ZNF385D: variants seen among roughly 807,000 people sequenced by gnomAD.
The protein encoded by ZNF385D is zinc finger protein 659.
A neutral mutation model predicts 35.8 loss-of-function variants in ZNF385D; 15 were observed. The observed-to-expected ratio is 0.42, with a 90% CI of 0.28 to 0.64. The LOEUF (loss-of-function observed/expected upper bound fraction) is 0.64, where lower values mean the gene tolerates loss of function less well. Ranked by LOEUF, ZNF385D falls within the 30% of genes least tolerant of loss-of-function variation. The pLI is 0.23. For synonymous variants in ZNF385D, 212 were observed against 186.8 expected (o/e 1.13, Z -1.10); for missense variants, 474 against 494.6 (o/e 0.96, Z 0.39).
chr3:22,202,809 G>C (rs1019309677), intron 2 of ZNF385D, among the ~76,000 whole-genome samples: 1 of 152,122 alleles, frequency 6.6e-6, no homozygotes, highest in South Asian at 2.1e-4. Flanking sequence ...GCACTGAGCA[G>C]AGCTCATCTG....
At chr3:21,987,681 T>C (rs377436462) in intron 3 of ZNF385D, among the ~76,000 whole-genome samples, 58 of 143,708 alleles carry the variant, frequency 4.0e-4, no homozygotes, top group Non-Finnish European at 7.1e-4. Flanking sequence ...ATCTTTGTGG[T>C]GTTCTCTGTA....
intron 3 of ZNF385D, among the ~76,000 whole-genome samples, chr3:21,956,625 G>GGTTA (rs1321201304): frequency 3.3e-5 from 5 of 152,030 alleles, no homozygotes; most frequent in African/African-American, 1.2e-4. Flanking sequence ...TGTTCACAGT[G>GGTTA]GTTAATGCAT....
chr3:21,699,636 A>G (rs2067599695), intron 1 of ZNF385D, among the ~76,000 whole-genome samples: 1 of 152,124 alleles, frequency 6.6e-6, no homozygotes, highest in South Asian at 2.1e-4. Flanking sequence ...AGTATGAAAA[A>G]GGGAATATAA....
rs1192752383 is a variant in ZNF385D, at chr3:21,565,166, C to CAA, written c.166-484_166-483dup. Among the ~76,000 whole-genome samples the CAA allele has an allele frequency of 2.0e-5, 3 of 152,146 alleles. No homozygotes were observed. In the East Asian group the frequency reaches 5.8e-4, roughly 29 times the overall value. On this transcript the variant is annotated intron_variant, in intron 2 of 7. Coordinates refer to ENST00000281523, the MANE Select transcript of ZNF385D (RefSeq NM_024697.3). ...GGTATCTTTTAGACTCTATAATATA[C>CAA]AAGTCCTGCTTTCCAATAATTGAAA...
At chr3:22,342,400 A>C (rs1208067979) in intron 2 of ZNF385D, among the ~76,000 whole-genome samples, 1 of 152,130 alleles carries the variant, frequency 6.6e-6, no homozygotes, top group African/African-American at 2.4e-5. Flanking sequence ...GTAGACTTAC[A>C]ATCAAGTTCT....
rs150625722 is a variant in ZNF385D at position 22,129,540 on chromosome 3, C to T, written c.325+39277G>A. Among the ~76,000 whole-genome samples, 350 of 152,082 alleles carry T rather than the reference C, an allele frequency of 2.3e-3. 1 individual carries two copies. Among genetic ancestry groups the T allele is most frequent in the African/African-American group, 8.1e-3 (338 of 41,488 alleles). ...TGGGGTTGAGCTAATACTCAGGTTG[C>T]AAGACAGAATCCTCTTTACTTATCC... On this transcript the variant is annotated intron_variant, in intron 3 of 5. Transcript: ENST00000494108.
intron 2 of ZNF385D, among the ~76,000 whole-genome samples, chr3:22,233,725 T>C (rs1429338802): frequency 6.6e-6 from 1 of 152,108 alleles, no homozygotes; most frequent in Non-Finnish European, 1.5e-5. Context: ...CTCTACTTTC[T>C]TGACATTCTC....
intron 2 of ZNF385D, among the ~76,000 whole-genome samples, chr3:22,273,472 G>C (rs898317652): frequency 6.6e-6 from 1 of 151,804 alleles, no homozygotes; most frequent in Non-Finnish European, 1.5e-5. Flanking sequence ...GTATCGAATG[G>C]GTAGAGGCCA....
In ZNF385D at chr3:22,240,676, C is replaced by T. The variant is rs892573214; in HGVS notation, c.107-71641G>A. ...CCACAATTGCTGCCCTCTTGATCCT[C>T]TTGCTTCCTCACATCCTTGTCAGGC... On this transcript the variant is annotated intron_variant, in intron 2 of 5. Transcript: ENST00000494108. 3.3e-4 allele frequency among the ~76,000 whole-genome samples: 50 copies of T among 151,160 alleles called. 3 individuals carry two copies. Among genetic ancestry groups the T allele is most frequent in the African/African-American group, 1.2e-3 (49 of 40,940 alleles).
At chr3:22,094,742 G>A (rs931749693) in intron 3 of ZNF385D, among the ~76,000 whole-genome samples, 13 of 152,010 alleles carry the variant, frequency 8.6e-5, no homozygotes, top group Admixed American at 3.3e-4. Context: ...GCCACACTGG[G>A]AAATGTGTGA....
At chr3:22,341,251 G>A (rs543641369) in intron 2 of ZNF385D, among the ~76,000 whole-genome samples, 7 of 152,244 alleles carry the variant, frequency 4.6e-5, no homozygotes, top group African/African-American at 9.6e-5. Context: ...TGCATCAGAA[G>A]GACACAAATT....
chr3:21,973,107 C>A (rs888052368), intron 3 of ZNF385D, among the ~76,000 whole-genome samples: 5 of 151,720 alleles, frequency 3.3e-5, no homozygotes, highest in African/African-American at 1.2e-4. Context: ...GAAAACACCT[C>A]AAAGAAAAAA....
At chr3:22,213,168 TATAATA>T (rs1243860941) in intron 2 of ZNF385D, among the ~76,000 whole-genome samples, 1 of 152,088 alleles carries the variant, frequency 6.6e-6, no homozygotes, top group East Asian at 1.9e-4. Context: ...ATTGGAAAAT[TATAATA>T]ATGTCATAGT....
At chr3:22,083,558 G>A (rs1332631321) in intron 3 of ZNF385D, among the ~76,000 whole-genome samples, 1 of 152,136 alleles carries the variant, frequency 6.6e-6, no homozygotes, top group African/African-American at 2.4e-5. Flanking sequence ...AATGAACAAA[G>A]CCTCCAAGAA....
At chr3:22,095,127 A>G (rs1701546467) in intron 3 of ZNF385D, among the ~76,000 whole-genome samples, 1 of 115,884 alleles carries the variant, frequency 8.6e-6, no homozygotes, top group African/African-American at 3.4e-5. Flanking sequence ...GGGTCTCAGT[A>G]TGTTGTCCAT....
chr3:21,583,359 T>C (rs2063720459), intron 2 of ZNF385D, among the ~76,000 whole-genome samples: 1 of 152,168 alleles, frequency 6.6e-6, no homozygotes, highest in Admixed American at 6.5e-5. Flanking sequence ...AAGACTTCCA[T>C]AGGGGCTCTT....
At chr3:22,034,450 A>C (rs1698192526) in intron 3 of ZNF385D, among the ~76,000 whole-genome samples, 1 of 152,164 alleles carries the variant, frequency 6.6e-6, no homozygotes, top group Non-Finnish European at 1.5e-5. Context: ...TTAGCGGCCC[A>C]ACTAAGATAC....
chr3:22,359,547 T>C (rs1221891365), intron 2 of ZNF385D, among the ~76,000 whole-genome samples: 1 of 151,974 alleles, frequency 6.6e-6, no homozygotes, highest in South Asian at 2.1e-4. Context: ...TATTTAGTAA[T>C]ATATAATGAT....
chr3:21,868,403 A>G (rs1202286315), intron 3 of ZNF385D, among the ~76,000 whole-genome samples: 2 of 152,068 alleles, frequency 1.3e-5, no homozygotes, highest in Non-Finnish European at 2.9e-5. Flanking sequence ...GTATATAGCT[A>G]CTCTAAGCAA....
Sources: gnomAD v4.1 joint callset for allele counts (sites outside exome capture counted in the v4.1 genomes callset) on GRCh38, gnomAD v4.1.1 for gene constraint, MANE v1.5 for transcripts, NCBI Gene and HGNC (gene_info 2026-07-23, HGNC 2026-07-21) for gene names.